MCF2L2: variants seen among roughly 807,000 people sequenced by gnomAD.
MCF2L2 encodes MCF.2 cell line derived transforming sequence-like 2, also known as probable guanine nucleotide exchange factor MCF2L2.
MCF2L2 carries 102 observed loss-of-function variants against 150.2 expected under a neutral mutation model. That is an observed-to-expected ratio of 0.68 (90% confidence interval 0.58 to 0.80). The LOEUF (loss-of-function observed/expected upper bound fraction) is 0.80. Ranked by LOEUF, MCF2L2 falls within the 30% of genes least tolerant of loss-of-function variation. The pLI is 0.00. For synonymous variants in MCF2L2, 465 were observed against 491.3 expected (o/e 0.95, Z 0.71); for missense variants, 1,256 against 1,372.8 (o/e 0.91, Z 1.34).
intron 3 of MCF2L2, among the ~76,000 whole-genome samples, chr3:183,369,314 C>T (rs1381037857): frequency 6.6e-6 from 1 of 152,092 alleles, no homozygotes; most frequent in Non-Finnish European, 1.5e-5. Flanking sequence ...ATTAACCAAC[C>T]ACCCAACACT....
intron 10 of MCF2L2, 126 bp from the exon 11 acceptor site, chr3:183,300,322 G>A (rs1034193893): frequency 2.4e-6 from 2 of 824,592 alleles, no homozygotes; most frequent in Non-Finnish European, 3.6e-6. Context: ...ATGAAGGCTG[G>A]AGAACCTGAG....
intron 1 of MCF2L2, among the ~76,000 whole-genome samples, chr3:183,421,492 G>C (rs1244174821): frequency 6.6e-6 from 1 of 152,176 alleles, no homozygotes; most frequent in African/African-American, 2.4e-5. Flanking sequence ...ACAAGGTCTT[G>C]CTATGTTGCT....
In MCF2L2 at chr3:183,297,032, G is replaced by T. The variant is rs1459217683; in HGVS notation, c.1441C>A (p.Leu481Ile). 6.2e-7 allele frequency: 1 copy of T among 1,614,144 alleles called. No individual in the cohort carries two copies. Among genetic ancestry groups the T allele is most frequent in the Admixed American group, 1.7e-5 (1 of 60,030 alleles). The change falls in exon 12 of 30, where the codon CTC becomes ATC. Residue 481 changes from leucine to isoleucine, a missense_variant. Leu to Ile is a conservative substitution (Grantham distance 5). Coordinates refer to ENST00000328913, the MANE Select transcript of MCF2L2 (RefSeq NM_015078.4). ...TCGTTGTAAAACTCCTTGGGGCTGA[G>T]CAACGGGTACTCCTTGACTGTGCCC... is the stretch of plus-strand genomic sequence containing the variant. ...FLGTVKEYPL[L>I]SPKEFYNEFE...
At chr3:183,199,345 T>C (rs943062818) in intron 25 of MCF2L2, among the ~76,000 whole-genome samples, 7 of 152,200 alleles carry the variant, frequency 4.6e-5, no homozygotes, top group Non-Finnish European at 1.0e-4. Flanking sequence ...GAAACTGGCA[T>C]TTCTTCACCC....
Position 183,406,708 on chromosome 3 carries a change from C to G in MCF2L2, c.77-16929G>C, listed in dbSNP as rs992238322. Among the ~76,000 whole-genome samples, 15 of 152,122 alleles carry G rather than the reference C, an allele frequency of 9.9e-5. No homozygotes were observed. The East Asian group carries it at 2.7e-3, about 27-fold the overall frequency. On this transcript the variant is annotated intron_variant, in intron 1 of 29. Coordinates refer to ENST00000328913, the MANE Select transcript of MCF2L2 (RefSeq NM_015078.4). Reference sequence around the variant, plus strand: ...TTCACCACATTGGCCAGGCTGGTCTCGAACTCCTGACCTCAGGTGATCCAC... The same window carrying G: ...TTCACCACATTGGCCAGGCTGGTCTGGAACTCCTGACCTCAGGTGATCCAC...
At chr3:183,388,724 T>TAAGA (rs1256202468) in intron 2 of MCF2L2, among the ~76,000 whole-genome samples, 1 of 152,146 alleles carries the variant, frequency 6.6e-6, no homozygotes, top group African/African-American at 2.4e-5. Flanking sequence ...CTGGATTGTG[T>TAAGA]AAGATGTGGT....
chr3:183,385,784 T>C (rs1358962107), intron 2 of MCF2L2, among the ~76,000 whole-genome samples: 1 of 152,226 alleles, frequency 6.6e-6, no homozygotes, highest in Non-Finnish European at 1.5e-5. Context: ...ATGCTTGCCT[T>C]CTGAGATTCT....
intron 3 of MCF2L2, among the ~76,000 whole-genome samples, chr3:183,360,081 G>A (rs988263122): frequency 2.6e-5 from 4 of 152,206 alleles, no homozygotes; most frequent in African/African-American, 9.6e-5. Flanking sequence ...AGACGATGCT[G>A]TTAACACTGC....
intron 22 of MCF2L2, among the ~76,000 whole-genome samples, chr3:183,210,940 G>A (rs1347812941): frequency 6.6e-6 from 1 of 152,186 alleles, no homozygotes; most frequent in East Asian, 1.9e-4. Flanking sequence ...CAGGGTTGGG[G>A]GTTGGCAATG....
At chr3:183,341,498 T>G (rs1730693064) in intron 4 of MCF2L2, 42 bp downstream of exon 4, 2 of 1,450,342 alleles carry the variant, frequency 1.4e-6, no homozygotes, top group East Asian at 2.3e-5. Flanking sequence ...AACAGACAAT[T>G]TAAATGACTT....
intron 5 of MCF2L2, among the ~76,000 whole-genome samples, chr3:183,326,187 T>A (rs1730017549): frequency 6.6e-6 from 1 of 152,098 alleles, no homozygotes; most frequent in African/African-American, 2.4e-5. Context: ...AATTGATTTT[T>A]TAAACTTTTT....
chr3:183,179,207 C>G lies in MCF2L2; in HGVS notation c.*173G>C. 1 of 882,998 alleles carries G rather than the reference C, an allele frequency of 1.1e-6. No individual in the cohort carries two copies. The highest frequency in any genetic ancestry group is 3.0e-5 in the South Asian group (1 of 33,416). The allele number at this position is 882,998 out of a possible 1,614,324, so 54.7% of individuals were successfully genotyped here. On this transcript the variant is annotated 3_prime_UTR_variant, in exon 30 of 30. Coordinates refer to ENST00000328913, the MANE Select transcript of MCF2L2 (RefSeq NM_015078.4). The surrounding 1 kb of genome is among the most constrained non-coding windows in gnomAD (Gnocchi z 4.2). ...GAGGTCCCCCGTGCGGAGCTAGGCG[C>G]GCACCCAGGACACCCCTCGGGCTCC... is the stretch of plus-strand genomic sequence containing the variant.
intron 1 of MCF2L2, among the ~76,000 whole-genome samples, chr3:183,419,056 TAGG>T (rs1715743168): frequency 6.6e-6 from 1 of 152,354 alleles, no homozygotes; most frequent in East Asian, 1.9e-4. Flanking sequence ...CTCTGAAATC[TAGG>T]AGGTTTCCCA....
intron 25 of MCF2L2, among the ~76,000 whole-genome samples, chr3:183,200,384 G>A (rs1576916414): frequency 1.3e-5 from 2 of 152,216 alleles, no homozygotes; most frequent in Admixed American, 6.5e-5. Context: ...CAGTGATGAT[G>A]AGCATTTTTT....
intron 25 of MCF2L2, among the ~76,000 whole-genome samples, chr3:183,204,723 C>A (rs1431733646): frequency 6.6e-6 from 1 of 152,116 alleles, no homozygotes; most frequent in Non-Finnish European, 1.5e-5. Flanking sequence ...AGCAGCTTTA[C>A]TTACAGTATC....
chr3:183,376,353 A>T (rs1713186723), intron 3 of MCF2L2: 1 of 152,234 alleles, frequency 6.6e-6, no homozygotes, highest in Non-Finnish European at 1.5e-5. Context: ...AAGTAAAACT[A>T]GACATCGAAT....
intron 16 of MCF2L2, among the ~76,000 whole-genome samples, chr3:183,230,219 T>C (rs545928641): frequency 6.6e-6 from 1 of 152,290 alleles, no homozygotes; most frequent in South Asian, 2.1e-4. Flanking sequence ...GTTCAAGTGA[T>C]TCTTCCGTTT....
chr3:183,198,050 A>G (rs1722134058), intron 25 of MCF2L2, among the ~76,000 whole-genome samples: 1 of 152,174 alleles, frequency 6.6e-6, no homozygotes, highest in African/African-American at 2.4e-5. Context: ...ACATACACCT[A>G]CCATATGGCC....
chr3:183,240,130 T>G (rs1723942553), intron 15 of MCF2L2, among the ~76,000 whole-genome samples: 1 of 152,220 alleles, frequency 6.6e-6, no homozygotes. Context: ...AGAGCAAGCT[T>G]TCAATTCCTG....
Sources: allele counts gnomAD v4.1 joint callset (sites outside exome capture counted in the v4.1 genomes callset), GRCh38; gene constraint gnomAD v4.1.1; non-coding constraint Gnocchi (gnomAD v3.1); transcripts MANE v1.5; gene names NCBI Gene and HGNC (gene_info 2026-07-23, HGNC 2026-07-21).